Variants in OCEL1 observed in about 807,000 individuals in gnomAD.
OCEL1 encodes occludin/ELL domain containing 1.
In OCEL1, 24 loss-of-function variants were observed where a neutral mutation model predicts 29.4. The observed-to-expected ratio is 0.82, with a 90% CI of 0.59 to 1.15. OCEL1 has a LOEUF of 1.15. OCEL1 is among the 50% of genes most tolerant of loss of function. The probability of loss-of-function intolerance (pLI) is 0.00; values close to 1 mark genes in which losing one functional copy is unlikely to be tolerated. For missense variants in OCEL1, 402 were observed against 352.5 expected (o/e 1.14, Z -1.13); for synonymous variants, 172 against 145.3 (o/e 1.18, Z -1.32).
chr19:17,228,677 C>G, intron 5 of OCEL1, 126 bp from the exon 6 acceptor site: 1 of 1,354,960 alleles, frequency 7.4e-7, no homozygotes, highest in Non-Finnish European at 9.9e-7. Flanking sequence ...CCCGGCTCAC[C>G]CGGTCGCCTG....
chr19:17,228,358 G>A, intron 5 of OCEL1, 49 bp downstream of exon 5: 1 of 1,572,916 alleles, frequency 6.4e-7, no homozygotes, highest in Non-Finnish European at 8.7e-7. Flanking sequence ...AGACTTCTGT[G>A]AGGCTGGGGT....
In OCEL1 at chr19:17,229,003, T is replaced by C; in HGVS notation, c.*78T>C. 6.6e-7 allele frequency: 1 copy of C among 1,522,896 alleles called. No individual in the cohort carries two copies. 94.3% of individuals were successfully genotyped at this position (1,522,896 alleles called of 1,614,324 possible). On this transcript the variant is annotated 3_prime_UTR_variant, in exon 6 of 6. Transcript: ENST00000215061. ...TCTTGGTATCTCTCAGCTTTTCCTC[T>C]TGCAGCTCCCCCTACCAGGGGTCGC...
intron 1 of OCEL1, 40 bp from the exon 2 acceptor site, chr19:17,226,653 C>A (rs1323589727): frequency 6.3e-6 from 9 of 1,426,728 alleles, no homozygotes; most frequent in Non-Finnish European, 8.2e-6. Flanking sequence ...TTTCTCCGTG[C>A]GCGTCGTCAG....
intron 3 of OCEL1, among the ~76,000 whole-genome samples, chr19:17,227,562 A>G (rs1378970850): frequency 6.6e-6 from 1 of 152,136 alleles, no homozygotes; most frequent in Non-Finnish European, 1.5e-5. Context: ...ATAGTGGCGC[A>G]TGCCTGTAAT....
In OCEL1 at chr19:17,226,852, C is replaced by T. The variant is rs1209321465; in HGVS notation, c.229C>T (p.Pro77Ser). 2.6e-6 allele frequency: 4 copies of T among 1,536,318 alleles called. No individual in the cohort carries two copies. Among genetic ancestry groups the T allele is most frequent in the Non-Finnish European group, 3.5e-6 (4 of 1,147,800 alleles). ...CCGGGGGCACCTGCATACTCACCCG[C>T]CTGGGCCTGGGCCCCCGGTGAGCCT... The part of the protein sequence containing the change: ...GSRGHLHTHP[P>S]GPGPPLQGLA... The change falls in exon 2 of 6, where the codon CCT becomes TCT. Residue 77 changes from proline to serine, a missense_variant. Transcript: ENST00000215061.
In OCEL1 at chr19:17,228,174, TTA is replaced by T. The variant is rs1226671372; in HGVS notation, c.619-81_619-80del. The T allele has an allele frequency of 3.9e-6, 6 of 1,556,062 alleles. No individual in the cohort carries two copies. The Admixed American group carries it at 1.0e-4, about 26-fold the overall frequency. Reference sequence around the variant, plus strand: ...CTTGAAGTCCCCACTAGATGGGCATTTAGTCTGTCTGAGCCTCAGTTTCTTCA... The same window carrying T: ...CTTGAAGTCCCCACTAGATGGGCATTGTCTGTCTGAGCCTCAGTTTCTTCA... On this transcript the variant is annotated intron_variant, in intron 4 of 5. Transcript: ENST00000215061.
chr19:17,228,382 TTC>T (rs1406368142), intron 5 of OCEL1, 73 bp downstream of exon 5: 2 of 1,455,022 alleles, frequency 1.4e-6, no homozygotes, highest in Non-Finnish European at 1.9e-6. Flanking sequence ...TGTGCCCAGT[TTC>T]TTTTTTTTTT....
intron 4 of OCEL1, 106 bp downstream of exon 4, chr19:17,228,111 G>A (rs949744005): frequency 1.2e-5 from 18 of 1,542,344 alleles, no homozygotes; most frequent in Admixed American, 1.9e-5. Flanking sequence ...TTCTCCTCTC[G>A]GTTGGCTGGG....
In OCEL1 at chr19:17,227,786, G is replaced by A. The variant is rs543987821; in HGVS notation, c.453-54G>A. 1.9e-6 allele frequency: 3 copies of A among 1,580,248 alleles called. No homozygotes were observed. The East Asian group carries it at 6.8e-5, about 36-fold the overall frequency. ...AAAGAAAAGCAAATTACACTGACTGGGGGAAAGAGTGGGGTTCTTTACACT... is the reference window on the plus strand; with the variant it reads ...AAAGAAAAGCAAATTACACTGACTGAGGGAAAGAGTGGGGTTCTTTACACT... On this transcript the variant is annotated intron_variant, in intron 3 of 5. Coordinates refer to ENST00000215061, the MANE Select transcript of OCEL1 (RefSeq NM_024578.3).
chr19:17,226,919 T>C (rs746340167), intron 2 of OCEL1, 50 bp downstream of exon 2: 13 of 1,521,200 alleles, frequency 8.5e-6, no homozygotes, highest in Non-Finnish European at 1.1e-5. Flanking sequence ...AGGCAAAAGA[T>C]TTAGCCCCTC....
chr19:17,226,744 A>G lies in OCEL1; in HGVS notation c.121A>G (p.Thr41Ala). 3 of 1,569,178 alleles carry G rather than the reference A, an allele frequency of 1.9e-6. No individual in the cohort carries two copies. Among genetic ancestry groups the G allele is most frequent in the Non-Finnish European group, 2.6e-6 (3 of 1,163,866 alleles). The part of the protein sequence containing the change: ...PRAGHDAPRR[T>A]RPSARKPLSC... ...CGCGGGACACGACGCCCCCCGCAGG[A>G]CCCGCCCATCAGCCCGGAAACCCCT... is the stretch of plus-strand genomic sequence containing the variant. Residue 41 changes from threonine (T) to alanine (A), a missense_variant, in exon 2 of 6, where the codon ACC becomes GCC. Transcript: ENST00000215061.
In OCEL1 at chr19:17,227,939, G is replaced by A. The variant is rs780786977; in HGVS notation, c.552G>A (p.Gly184=). 4 of 1,613,370 alleles carry A rather than the reference G, an allele frequency of 2.5e-6. No individual in the cohort carries two copies. The Admixed American group carries it at 5.0e-5, about 20-fold the overall frequency. ...GEFLELQHEV[G]CAQAKLRQLE... ...TCTTGGAGCTCCAGCACGAGGTGGG[G>A]TGTGCACAGGCAAAGCTCAGGCAGC... The change falls in exon 4 of 6, where the codon GGG becomes GGA. Residue 184 remains glycine (G), a synonymous_variant. Transcript: ENST00000215061.
Position 17,228,574 on chromosome 19 carries a change from A to G in OCEL1, c.673-229A>G, listed in dbSNP as rs144578770. The G allele has an allele frequency of 4.3e-4, 258 of 595,856 alleles. 1 individual carries two copies. The highest frequency in any genetic ancestry group is 6.9e-4 in the Non-Finnish European group (241 of 349,252). The allele number at this position is 595,856 out of a possible 1,614,324, so 36.9% of individuals were successfully genotyped here. On this transcript the variant is annotated intron_variant, in intron 5 of 5. Transcript: ENST00000215061. ...TTTGTAGTAGAGATGGGGTTTCACC[A>G]TGTTGGCCAGGCTGGTCTCGAACTC...
At position 17,228,002 on chromosome 19, in the gene OCEL1, C is replaced by G; in HGVS notation, c.615C>G (p.Ser205Arg). Residue 205 changes from serine (S) to arginine (R), a missense_variant, in exon 4 of 6, where the codon AGC becomes AGG. Physicochemically the swap from Ser to Arg is moderately radical, Grantham distance 110. Coordinates refer to ENST00000215061, the MANE Select transcript of OCEL1 (RefSeq NM_024578.3). Reference sequence around the variant, plus strand: ...TGAGCTCCCTGCCCCCACCCCAAAGCCAGGTCAGCACTAGGGAGAAAGCCC... The same window carrying G: ...TGAGCTCCCTGCCCCCACCCCAAAGGCAGGTCAGCACTAGGGAGAAAGCCC... ...ALLSSLPPPQ[S>R]QKEAQVAARV... 2 of 1,611,842 alleles carry G rather than the reference C, an allele frequency of 1.2e-6. No individual in the cohort carries two copies. Among genetic ancestry groups the G allele is most frequent in the African/African-American group, 1.3e-5 (1 of 74,978 alleles).
intron 5 of OCEL1, 127 bp from the exon 6 acceptor site, chr19:17,228,676 C>T (rs2073385652): frequency 7.4e-7 from 1 of 1,351,472 alleles, no homozygotes; most frequent in Non-Finnish European, 9.9e-7. Context: ...GCCCGGCTCA[C>T]CCGGTCGCCT....
chr19:17,226,797 C>T lies in OCEL1; in HGVS notation c.174C>T (p.Pro58=). 1 of 1,594,868 alleles carries T rather than the reference C, an allele frequency of 6.3e-7. No homozygotes were observed. Among genetic ancestry groups the T allele is most frequent in the Non-Finnish European group, 8.5e-7 (1 of 1,173,720 alleles). Residue 58 remains proline (P), a synonymous_variant, in exon 2 of 6, where the codon CCC becomes CCT. Transcript: ENST00000215061. ...GCTGCTTCTCCCGGAGGCCGATGCC[C>T]ACCCGGGAGCCCCCAAAGACTCGCG... ...PLSCFSRRPM[P]TREPPKTRGS...
Position 17,227,098 on chromosome 19 carries a change from G to A in OCEL1, c.351G>A (p.Glu117=), listed in dbSNP as rs773741822. 6 of 1,608,482 alleles carry A rather than the reference G, an allele frequency of 3.7e-6. No individual in the cohort carries two copies. In the African/African-American group the frequency reaches 4.0e-5, roughly 11 times the overall value. Reference sequence around the variant, plus strand: ...CAAAGACCAAGAAGATTGTGTTTGAGGATGAGTTGCTCTCCCAGGCCCTCC... The same window carrying A: ...CAAAGACCAAGAAGATTGTGTTTGAAGATGAGTTGCTCTCCCAGGCCCTCC... The part of the protein sequence containing the change: ...HKAKTKKIVF[E]DELLSQALLG... Residue 117 remains glutamate (E), a synonymous_variant, in exon 3 of 6, where the codon GAG becomes GAA. Coordinates refer to ENST00000215061, the MANE Select transcript of OCEL1 (RefSeq NM_024578.3).
At chr19:17,228,224 C>A in intron 4 of OCEL1, 32 bp from the exon 5 acceptor site, 1 of 1,613,274 alleles carries the variant, frequency 6.2e-7, no homozygotes, top group Non-Finnish European at 8.5e-7. Context: ...TTCAACTCTC[C>A]CTAAACCCCC....
intron 3 of OCEL1, 43 bp from the exon 4 acceptor site, chr19:17,227,797 G>A (rs748137025): frequency 2.5e-6 from 4 of 1,593,602 alleles, no homozygotes; most frequent in South Asian, 1.1e-5. Flanking sequence ...GGGAAAGAGT[G>A]GGGTTCTTTA....
Sources: allele counts gnomAD v4.1 joint callset (sites outside exome capture counted in the v4.1 genomes callset), GRCh38; gene constraint gnomAD v4.1.1; transcripts MANE v1.5; gene names NCBI Gene and HGNC (gene_info 2026-07-23, HGNC 2026-07-21).